Variants in ATRNL1 observed in about 807,000 individuals in gnomAD.
ATRNL1 encodes the protein attractin like 1.
Under a neutral mutation model 182.7 loss-of-function variants are expected in ATRNL1, and 95 were observed. That is an observed-to-expected ratio of 0.52 (90% CI 0.44 to 0.62). The LOEUF is 0.62. Among genes scored for constraint, ATRNL1 ranks in the 20% least tolerant of loss-of-function variants. ATRNL1 has a pLI of 0.00. For missense variants in ATRNL1, 1,471 were observed against 1,679.5 expected, an observed-to-expected ratio of 0.88 and a Z score of 2.17; for synonymous variants, 576 against 568.3, an observed-to-expected ratio of 1.01 and a Z score of -0.19.
At chr10:115,712,077 G>A (rs1447256666) in intron 26 of ATRNL1, among the ~76,000 whole-genome samples, 2 of 152,102 alleles carry the variant, frequency 1.3e-5, no homozygotes, top group East Asian at 1.9e-4. Flanking sequence ...TTCAATATTA[G>A]TCTCAGCCAT....
At chr10:115,374,449 TTCCTTTCC>T (rs1554948951) in intron 19 of ATRNL1, among the ~76,000 whole-genome samples, 5 of 128,380 alleles carry the variant, frequency 3.9e-5, no homozygotes, top group East Asian at 2.1e-4. Flanking sequence ...TTCTCCTTCC[TTCCTTTCC>T]TTCCTTCCTT....
intron 23 of ATRNL1, among the ~76,000 whole-genome samples, chr10:115,467,802 T>C (rs570039870): frequency 2.7e-5 from 4 of 150,848 alleles, no homozygotes; most frequent in African/African-American, 4.8e-5. Context: ...AAAGTATATC[T>C]GAGAAGCTGT....
chr10:115,552,196 A>G (rs1164943987), intron 26 of ATRNL1, among the ~76,000 whole-genome samples: 4 of 151,328 alleles, frequency 2.6e-5, no homozygotes. Context: ...TAACCACACT[A>G]GTTGTAGTTA....
chr10:115,645,459 TATATA>T (rs1457183548), intron 26 of ATRNL1, among the ~76,000 whole-genome samples: 15 of 147,596 alleles, frequency 1.0e-4, no homozygotes, highest in Non-Finnish European at 2.1e-4. Flanking sequence ...TTTATATATC[TATATA>T]ATATATTTAT....
chr10:115,716,180 G>T (rs1317660983), intron 26 of ATRNL1, among the ~76,000 whole-genome samples: 1 of 151,960 alleles, frequency 6.6e-6, no homozygotes, highest in Non-Finnish European at 1.5e-5. Flanking sequence ...ATTATTATAG[G>T]TATCTTCCAA....
chr10:115,201,531 T>A (rs1168319251), intron 8 of ATRNL1, among the ~76,000 whole-genome samples: 5 of 152,202 alleles, frequency 3.3e-5, no homozygotes, highest in African/African-American at 7.2e-5. Context: ...GTCAAAGATC[T>A]GATAGTTGTA....
At chr10:115,138,816 C>T (rs968752043) in intron 5 of ATRNL1, among the ~76,000 whole-genome samples, 2 of 152,210 alleles carry the variant, frequency 1.3e-5, no homozygotes, top group African/African-American at 2.4e-5. Context: ...CAAATTTATG[C>T]AGCCAGCTTT....
chr10:115,943,612 G>GC (rs1953793421), intron 28 of ATRNL1, among the ~76,000 whole-genome samples: 1 of 29,140 alleles, frequency 3.4e-5, no homozygotes, highest in Admixed American at 6.4e-4. Context: ...ATACAGTTTG[G>GC]CTTTTTTTTT....
intron 26 of ATRNL1, among the ~76,000 whole-genome samples, chr10:115,587,723 C>T (rs2133907009): frequency 6.7e-6 from 1 of 148,988 alleles, no homozygotes; most frequent in East Asian, 2.2e-4. Flanking sequence ...CGTCTTCTGC[C>T]TCACTCTCAC....
intron 8 of ATRNL1, among the ~76,000 whole-genome samples, chr10:115,212,068 A>C (rs549675305): frequency 6.6e-6 from 1 of 151,492 alleles, no homozygotes; most frequent in East Asian, 1.9e-4. Flanking sequence ...ATCTCAATGC[A>C]GGTTTGTTAT....
chr10:115,229,018 C>T (rs1331688754), intron 9 of ATRNL1, among the ~76,000 whole-genome samples: 1 of 152,034 alleles, frequency 6.6e-6, no homozygotes, highest in Admixed American at 6.6e-5. Flanking sequence ...CCACCCACCT[C>T]GACCTCCTGT....
At chr10:115,893,914 G>T (rs1555111848) in intron 28 of ATRNL1, among the ~76,000 whole-genome samples, 1 of 151,930 alleles carries the variant, frequency 6.6e-6, no homozygotes. Context: ...AAGTTTCTCA[G>T]GGAAGACAAA....
chr10:115,917,907 G>C (rs945800206), intron 28 of ATRNL1, among the ~76,000 whole-genome samples: 1 of 151,986 alleles, frequency 6.6e-6, no homozygotes, highest in African/African-American at 2.4e-5. Flanking sequence ...AGTATTCTTT[G>C]GTTGATTGGC....
chr10:115,731,813 GC>G (rs1173277210), intron 27 of ATRNL1, among the ~76,000 whole-genome samples: 1 of 96,582 alleles, frequency 1.0e-5, no homozygotes, highest in Non-Finnish European at 2.1e-5. Flanking sequence ...TTCAGCCCCT[GC>G]CCCCCCACCC....
chr10:115,159,471 T>C (rs1846676213), intron 5 of ATRNL1, among the ~76,000 whole-genome samples: 1 of 151,546 alleles, frequency 6.6e-6, no homozygotes, highest in South Asian at 2.1e-4. Context: ...TAATTTTTTT[T>C]TCTTTTTGAG....
chr10:115,369,708 C>T (rs782453511), intron 19 of ATRNL1, among the ~76,000 whole-genome samples: 1 of 152,106 alleles, frequency 6.6e-6, no homozygotes, highest in Non-Finnish European at 1.5e-5. Flanking sequence ...ACAAAGGTTC[C>T]CTTTTTTTCC....
chr10:115,533,137 C>T (rs1228280942), intron 25 of ATRNL1, among the ~76,000 whole-genome samples: 2 of 152,250 alleles, frequency 1.3e-5, no homozygotes, highest in East Asian at 3.9e-4. Flanking sequence ...AGGGAGGATT[C>T]CCTCTTTTTC....
At chr10:115,127,765 T>C (rs1554873954) in intron 4 of ATRNL1, 44 bp downstream of exon 4, 7 of 1,296,242 alleles carry the variant, frequency 5.4e-6, no homozygotes, top group Non-Finnish European at 7.1e-6. Flanking sequence ...ATTCTTGTAA[T>C]TTAATGTAAA....
intron 28 of ATRNL1, among the ~76,000 whole-genome samples, chr10:115,905,140 T>C (rs1174410885): frequency 1.3e-5 from 2 of 152,216 alleles, no homozygotes; most frequent in Non-Finnish European, 2.9e-5. Flanking sequence ...GTAATTAGTC[T>C]AGTGCCCAGG....
Sources: gnomAD v4.1 joint callset for allele counts (sites outside exome capture counted in the v4.1 genomes callset) on GRCh38, gnomAD v4.1.1 for gene constraint, MANE v1.5 for transcripts, NCBI Gene and HGNC (gene_info 2026-07-23, HGNC 2026-07-21) for gene names.